CDH12: variants seen among roughly 807,000 people sequenced by gnomAD.
CDH12 encodes the protein cadherin 12.
CDH12 carries 41 observed loss-of-function variants against 74.1 expected under a neutral mutation model. The ratio of observed to expected loss-of-function variants is 0.55; its 90% CI spans 0.43 to 0.72. The LOEUF is 0.72. Among genes scored for constraint, CDH12 ranks in the 30% least tolerant of loss-of-function variants. The pLI is 0.00. For synonymous variants in CDH12, 399 were observed against 355.0 expected (o/e 1.12, Z -1.39); for missense variants, 945 against 977.2 (o/e 0.97, Z 0.44).
At chr5:21,820,432 T>A (rs1748303787) in intron 8 of CDH12, among the ~76,000 whole-genome samples, 1 of 152,016 alleles carries the variant, frequency 6.6e-6, no homozygotes, top group South Asian at 2.1e-4. Flanking sequence ...CATGCACCCC[T>A]TCAAAATTAA....
chr5:21,975,295 T>C lies in CDH12; in HGVS notation c.322A>G (p.Thr108Ala). ...CTCCTTATTGCATGAATGTCCCCTG[T>C]GGTTTCATCAATGGTAAAAACGGTG... ...AGTVFTIDET[T>A]GDIHAIRSLD... The change falls in exon 6 of 15, where the codon ACA (threonine) becomes GCA (alanine). Residue 108 changes from threonine to alanine, a missense_variant. Thr to Ala is a moderately conservative substitution (Grantham distance 58). Around this residue, in one of 3 missense-constraint regions of CDH12, gnomAD observed 148 missense variants for 162.8 expected, o/e 0.91. Transcript: ENST00000382254. 1 of 1,597,156 alleles carries C rather than the reference T, an allele frequency of 6.3e-7. No individual in the cohort carries two copies. The highest frequency in any genetic ancestry group is 8.5e-7 in the Non-Finnish European group (1 of 1,179,462).
chr5:22,415,005 T>C (rs1743321147), intron 2 of CDH12, among the ~76,000 whole-genome samples: 1 of 152,112 alleles, frequency 6.6e-6, no homozygotes, highest in Non-Finnish European at 1.5e-5. Context: ...TACTAAAATA[T>C]GTATCAGCTC....
rs117089562 is a variant in CDH12 at position 22,793,191 on chromosome 5, C to G, written c.-523+59867G>C. On this transcript the variant is annotated intron_variant, in intron 1 of 14. Coordinates refer to ENST00000382254, the MANE Select transcript of CDH12 (RefSeq NM_004061.5). ...AAACCTGCAATCTCTCCAACACACG[C>G]TATTCCTAAGTGATCCAATCTTTCA... Among the ~76,000 whole-genome samples, 27 of 152,346 alleles carry G rather than the reference C, an allele frequency of 1.8e-4. No homozygotes were observed. In the East Asian group the frequency reaches 4.1e-3, roughly 23 times the overall value.
At chr5:21,918,856 T>A (rs941012756) in intron 6 of CDH12, among the ~76,000 whole-genome samples, 2 of 152,210 alleles carry the variant, frequency 1.3e-5, no homozygotes, top group African/African-American at 2.4e-5. Flanking sequence ...ATTACTCAAA[T>A]TAAAATTGTA....
chr5:22,225,040 C>T (rs191585700), intron 3 of CDH12, among the ~76,000 whole-genome samples: 74 of 151,938 alleles, frequency 4.9e-4, no homozygotes, highest in African/African-American at 1.7e-3. Context: ...TTCTCCATAG[C>T]TAAAATTTGT....
At chr5:22,181,306 C>G (rs1163052250) in intron 4 of CDH12, among the ~76,000 whole-genome samples, 2 of 151,988 alleles carry the variant, frequency 1.3e-5, no homozygotes, top group African/African-American at 4.8e-5. Context: ...CTTGATGACC[C>G]CCTTCACCTA....
At chr5:22,585,005 G>C (rs1259799127) in intron 1 of CDH12, among the ~76,000 whole-genome samples, 2 of 152,092 alleles carry the variant, frequency 1.3e-5, no homozygotes, top group African/African-American at 2.4e-5. Flanking sequence ...CTAGCTTTCA[G>C]TTCAGTTACA....
At position 22,092,826 on chromosome 5, in the gene CDH12, T is replaced by C. The variant is rs146562968; in HGVS notation, c.-186-13964A>G. 6.0e-4 allele frequency among the ~76,000 whole-genome samples: 91 copies of C among 152,298 alleles called. No homozygotes were observed. The East Asian group carries it at 0.014, about 24-fold the overall frequency. On this transcript the variant is annotated intron_variant, in intron 4 of 14. Transcript: ENST00000382254. ...AACCTCCCAGCAGCATTATTAATCA[T>C]AGCCGAACAGTGGAAACAAATTACA...
intron 7 of CDH12, among the ~76,000 whole-genome samples, chr5:21,847,633 G>C (rs1030253845): frequency 5.9e-5 from 9 of 151,858 alleles, no homozygotes; most frequent in African/African-American, 2.2e-4. Flanking sequence ...TGATTACACG[G>C]AGTCTACCCA....
chr5:22,108,592 G>A (rs1744632329), intron 4 of CDH12, among the ~76,000 whole-genome samples: 1 of 152,230 alleles, frequency 6.6e-6, no homozygotes, highest in East Asian at 1.9e-4. Flanking sequence ...AGTGAGCCAT[G>A]ACCTGAGGTA....
intron 6 of CDH12, among the ~76,000 whole-genome samples, chr5:21,962,295 T>A (rs1756393876): frequency 6.6e-6 from 1 of 152,160 alleles, no homozygotes; most frequent in Non-Finnish European, 1.5e-5. Context: ...TGTTTGAGAT[T>A]AGATAAATTC....
chr5:22,489,846 A>T (rs934423309), intron 2 of CDH12, among the ~76,000 whole-genome samples: 1 of 151,742 alleles, frequency 6.6e-6, no homozygotes, highest in Admixed American at 6.6e-5. Flanking sequence ...TGCCCAGCTA[A>T]TTTTAAAATT....
chr5:22,325,417 C>A (rs1363017851), intron 3 of CDH12, among the ~76,000 whole-genome samples: 4 of 151,930 alleles, frequency 2.6e-5, no homozygotes, highest in African/African-American at 7.3e-5. Flanking sequence ...TCAAATAATA[C>A]CACATGAAAA....
intron 6 of CDH12, among the ~76,000 whole-genome samples, chr5:21,960,095 C>T (rs1756288389): frequency 6.6e-6 from 1 of 152,046 alleles, no homozygotes; most frequent in South Asian, 2.1e-4. Flanking sequence ...TAGTAGGAGA[C>T]TTTAACACAC....
At chr5:22,774,248 C>A (rs1746970860) in intron 1 of CDH12, among the ~76,000 whole-genome samples, 1 of 151,872 alleles carries the variant, frequency 6.6e-6, no homozygotes, top group African/African-American at 2.4e-5. Flanking sequence ...ATGGTAGTTT[C>A]AATAAAGAAA....
intron 6 of CDH12, among the ~76,000 whole-genome samples, chr5:21,925,810 A>G (rs1754558990): frequency 6.6e-6 from 1 of 152,160 alleles, no homozygotes; most frequent in Admixed American, 6.5e-5. Context: ...TGCACATACC[A>G]TGCCTCATAA....
intron 4 of CDH12, among the ~76,000 whole-genome samples, chr5:22,086,847 T>A (rs1054996169): frequency 6.6e-6 from 1 of 152,164 alleles, no homozygotes; most frequent in African/African-American, 2.4e-5. Context: ...ATCGATCACA[T>A]CTTTATTTTT....
chr5:22,296,847 G>A (rs1561291936), intron 3 of CDH12, among the ~76,000 whole-genome samples: 1 of 152,072 alleles, frequency 6.6e-6, no homozygotes, highest in African/African-American at 2.4e-5. Flanking sequence ...AGACAATGCA[G>A]TACAGCTTCA....
rs549576071 is a variant in CDH12 at position 22,613,346 on chromosome 5, CTTAT to C, written c.-522-107986_-522-107983del. Among the ~76,000 whole-genome samples the C allele has an allele frequency of 3.6e-3, 550 of 152,020 alleles. 1 individual carries two copies. The highest frequency in any genetic ancestry group is 0.01 in the African/African-American group (424 of 41,478). Reference sequence around the variant, plus strand: ...ATATAGATATTGACTTTAATGTGTCCTTATTTAATCTTATGATATGTACAGAAAT... The same window carrying C: ...ATATAGATATTGACTTTAATGTGTCCTTAATCTTATGATATGTACAGAAAT... On this transcript the variant is annotated intron_variant, in intron 1 of 14. Transcript: ENST00000382254.
Sources: gnomAD v4.1 joint callset for allele counts (sites outside exome capture counted in the v4.1 genomes callset) on GRCh38, gnomAD v4.1.1 for gene constraint, gnomAD v4.1.1 regional missense constraint, MANE v1.5 for transcripts, NCBI Gene and HGNC (gene_info 2026-07-23, HGNC 2026-07-21) for gene names.